Variants in GABRA4 observed in about 807,000 individuals in gnomAD.
The protein encoded by GABRA4 is gamma-aminobutyric acid receptor subunit alpha-4.
Under a neutral mutation model 49.7 loss-of-function variants are expected in GABRA4, and 12 were observed. The observed-to-expected ratio is 0.24, with a 90% CI of 0.15 to 0.39. The LOEUF (loss-of-function observed/expected upper bound fraction) is 0.39. Among genes scored for constraint, GABRA4 ranks in the 10% least tolerant of loss-of-function variants. The probability of loss-of-function intolerance (pLI) is 1.00; values close to 1 mark genes in which losing one functional copy is unlikely to be tolerated. For synonymous variants in GABRA4, 288 were observed against 240.2 expected, an observed-to-expected ratio of 1.20 and a Z score of -1.84; for missense variants, 506 against 686.0, an observed-to-expected ratio of 0.74 and a Z score of 2.93.
intron 7 of GABRA4, among the ~76,000 whole-genome samples, chr4:46,967,126 T>C (rs1168834414): frequency 6.6e-6 from 1 of 151,710 alleles, no homozygotes; most frequent in Non-Finnish European, 1.5e-5. Context: ...TAATGGGGTA[T>C]TAAGAATTCA....
intron 5 of GABRA4, among the ~76,000 whole-genome samples, chr4:46,976,578 A>C (rs1723147129): frequency 6.6e-6 from 1 of 151,664 alleles, no homozygotes; most frequent in Non-Finnish European, 1.5e-5. Flanking sequence ...TGTCATTTTA[A>C]CCTATACTGT....
chr4:46,987,269 A>G (rs1007927656), intron 2 of GABRA4, among the ~76,000 whole-genome samples: 2 of 152,122 alleles, frequency 1.3e-5, no homozygotes, highest in South Asian at 2.1e-4. Context: ...CTTCTCATTC[A>G]TTAGAAGACT....
chr4:46,937,433 C>A (rs945217955), intron 8 of GABRA4, among the ~76,000 whole-genome samples: 1 of 152,092 alleles, frequency 6.6e-6, no homozygotes, highest in African/African-American at 2.4e-5. Flanking sequence ...AATTTCTAAT[C>A]TTTTTTATAG....
rs774477281 is a variant in GABRA4 at position 46,924,135 on chromosome 4, A to T, written c.*4090T>A. On this transcript the variant is annotated 3_prime_UTR_variant, in exon 9 of 9. Coordinates refer to ENST00000264318, the MANE Select transcript of GABRA4 (RefSeq NM_000809.4). ...TCAACAATGTAATTAAGTTATGTGG[A>T]TCTTTTATCCACCTCTATCTAGATC... 1.3e-5 allele frequency: 2 copies of T among 152,116 alleles called. No homozygotes were observed. The highest frequency in any genetic ancestry group is 2.9e-5 in the Non-Finnish European group (2 of 68,012). The allele number at this position is 152,116 out of a possible 1,614,324, so 9.4% of individuals were successfully genotyped here.
At chr4:46,992,536 C>A (rs1723794055) in intron 2 of GABRA4, 2 of 427,858 alleles carry the variant, frequency 4.7e-6, no homozygotes, top group East Asian at 8.0e-5. Flanking sequence ...CAGCTGAGCC[C>A]AGAGTTCCCA....
intron 5 of GABRA4, among the ~76,000 whole-genome samples, chr4:46,975,660 C>A (rs749836257): frequency 6.6e-6 from 1 of 151,902 alleles, no homozygotes; most frequent in Non-Finnish European, 1.5e-5. Context: ...TATACAAACC[C>A]TGATTGAACA....
chr4:46,960,095 A>C (rs908593616), intron 8 of GABRA4, among the ~76,000 whole-genome samples: 22 of 151,664 alleles, frequency 1.5e-4, no homozygotes, highest in Admixed American at 1.4e-3. Context: ...AGTGATAAAA[A>C]TATAATAGCA....
chr4:46,977,024 A>G, intron 5 of GABRA4, 37 bp downstream of exon 5: 1 of 1,129,544 alleles, frequency 8.9e-7, no homozygotes, highest in South Asian at 1.3e-5. Context: ...TGCATGAGGT[A>G]ATCATAAATT....
At position 46,919,970 on chromosome 4, in the gene GABRA4, C is replaced by G. The variant is rs1485479249; in HGVS notation, c.*8255G>C. ...TATCAACCAACAATTATTTTTCTGC[C>G]CCTTGAAAAATGAAAGCTCTGATTT... is the stretch of plus-strand genomic sequence containing the variant. On this transcript the variant is annotated 3_prime_UTR_variant, in exon 9 of 9. Transcript: ENST00000264318. 1 of 151,526 alleles carries G rather than the reference C, an allele frequency of 6.6e-6. No homozygotes were observed. The highest frequency in any genetic ancestry group is 1.5e-5 in the Non-Finnish European group (1 of 67,630). 9.4% of individuals were successfully genotyped at this position (151,526 alleles called of 1,614,324 possible). A position where few individuals can be genotyped will look rare whatever the true frequency, so the allele number is the denominator to read the frequency against.
chr4:46,952,708 G>T (rs1304185441), intron 8 of GABRA4, among the ~76,000 whole-genome samples: 10 of 152,048 alleles, frequency 6.6e-5, no homozygotes, highest in Admixed American at 6.6e-4. Flanking sequence ...TTAGGGATGA[G>T]AACTTGGTGG....
rs1333303164 is a variant in GABRA4, at chr4:46,928,365, G to A, written c.1525C>T (p.Pro509Ser). The A allele has an allele frequency of 1.7e-5, 28 of 1,613,654 alleles. No homozygotes were observed. Among genetic ancestry groups the A allele is most frequent in the Non-Finnish European group, 2.4e-5 (28 of 1,179,694 alleles). ...TTACTTGTGCCAGATCCAGAAGGTG[G>A]TGGAGCCGATGGAGGAGGAGTAGCT... The part of the protein sequence containing the change: ...LSATPPPSAP[P>S]PSGSGTSKID... The change falls in exon 9 of 9, where the codon CCA (proline) becomes TCA (serine). Residue 509 changes from proline to serine, a missense_variant. Physicochemically the swap from Pro to Ser is moderately conservative, Grantham distance 74. Around this residue, in one of 5 missense-constraint regions of GABRA4, gnomAD observed 243 missense variants for 210.8 expected, o/e 1.15. Transcript: ENST00000264318.
chr4:46,981,536 ATT>A (rs1346913445), intron 2 of GABRA4, among the ~76,000 whole-genome samples: 1 of 152,052 alleles, frequency 6.6e-6, no homozygotes, highest in Non-Finnish European at 1.5e-5. Context: ...TTGTAAAGGG[ATT>A]TCCTTCAGAC....
chr4:46,971,281 A>G, intron 6 of GABRA4, 46 bp from the exon 7 acceptor site: 1 of 1,556,638 alleles, frequency 6.4e-7, no homozygotes, highest in Non-Finnish European at 8.8e-7. Context: ...TCTGCAGGCA[A>G]TTAGTCAATG....
intron 2 of GABRA4, among the ~76,000 whole-genome samples, chr4:46,982,696 G>A (rs1723398694): frequency 6.6e-6 from 1 of 152,054 alleles, no homozygotes; most frequent in African/African-American, 2.4e-5. Context: ...GTCATTGGGA[G>A]GCCACTGAGG....
intron 2 of GABRA4, among the ~76,000 whole-genome samples, chr4:46,991,324 C>T (rs1355053719): frequency 6.6e-6 from 1 of 152,148 alleles, no homozygotes; most frequent in Admixed American, 6.5e-5. Context: ...ACTATGTGCC[C>T]TTATATACAT....
chr4:46,976,326 C>T (rs1723137087), intron 5 of GABRA4, among the ~76,000 whole-genome samples: 1 of 137,882 alleles, frequency 7.3e-6, no homozygotes, highest in Non-Finnish European at 1.6e-5. Context: ...TCTGCTGCTT[C>T]CACTCCAGCC....
intron 8 of GABRA4, among the ~76,000 whole-genome samples, chr4:46,953,266 C>G (rs535670818): frequency 3.9e-5 from 6 of 152,142 alleles, no homozygotes; most frequent in African/African-American, 1.4e-4. Flanking sequence ...GCCAGCATCC[C>G]TCACCCCCTA....
chr4:46,980,772 T>C (rs1349588806), intron 2 of GABRA4, among the ~76,000 whole-genome samples: 1 of 152,082 alleles, frequency 6.6e-6, no homozygotes, highest in Admixed American at 6.6e-5. Flanking sequence ...AAGCAGGTAA[T>C]GTGTGCTGAA....
chr4:46,988,956 C>T (rs753170838), intron 2 of GABRA4, among the ~76,000 whole-genome samples: 22 of 152,178 alleles, frequency 1.4e-4, no homozygotes, highest in Non-Finnish European at 2.6e-4. Context: ...ATGATGTCTG[C>T]CTTATCTCTT....
Sources: allele counts gnomAD v4.1 joint callset (sites outside exome capture counted in the v4.1 genomes callset), GRCh38; gene constraint gnomAD v4.1.1; regional missense constraint gnomAD v4.1.1; transcripts MANE v1.5; gene names NCBI Gene and HGNC (gene_info 2026-07-23, HGNC 2026-07-21).